The following CPB2 variants were observed in gnomAD, a reference collection of about 807,000 sequenced individuals.
CPB2 encodes the protein carboxypeptidase B2.
A neutral mutation model predicts 57.0 loss-of-function variants in CPB2; 54 were observed. That is an observed-to-expected ratio of 0.95 (90% confidence interval 0.76 to 1.19). CPB2 has a LOEUF of 1.19. Among genes scored for constraint, CPB2 ranks in the 50% most tolerant of loss-of-function variants. The pLI is 0.00. For synonymous variants in CPB2, 189 were observed against 178.1 expected (o/e 1.06, Z -0.49); for missense variants, 426 against 512.0 (o/e 0.83, Z 1.62).
At chr13:46,063,159 C>G (rs1041937384) in intron 8 of CPB2, among the ~76,000 whole-genome samples, 2 of 152,178 alleles carry the variant, frequency 1.3e-5, no homozygotes, top group Non-Finnish European at 2.9e-5. Context: ...ACCTACCCCC[C>G]TAAAAGCAAA....
chr13:46,062,424 A>G (rs933101442), intron 8 of CPB2, among the ~76,000 whole-genome samples: 3 of 152,178 alleles, frequency 2.0e-5, no homozygotes, highest in African/African-American at 7.2e-5. Flanking sequence ...AACTATGTCA[A>G]TGGCTCAGCG....
intron 4 of CPB2, among the ~76,000 whole-genome samples, chr13:46,081,519 C>T (rs2045118213): frequency 6.6e-6 from 1 of 152,090 alleles, no homozygotes; most frequent in African/African-American, 2.4e-5. Context: ...CTCAATCAAC[C>T]AGGCACACAT....
intron 4 of CPB2, among the ~76,000 whole-genome samples, chr13:46,081,621 T>C (rs2045119742): frequency 6.6e-6 from 1 of 152,176 alleles, no homozygotes; most frequent in South Asian, 2.1e-4. Flanking sequence ...ATTACCTAAG[T>C]CTTAGATGTC....
At chr13:46,060,576 A>G (rs1391493392) in intron 8 of CPB2, among the ~76,000 whole-genome samples, 1 of 152,184 alleles carries the variant, frequency 6.6e-6, no homozygotes, top group East Asian at 1.9e-4. Context: ...TATTCTTGAA[A>G]TATTTTATGT....
chr13:46,063,841 CT>C (rs1382562736), intron 8 of CPB2, among the ~76,000 whole-genome samples: 1 of 151,808 alleles, frequency 6.6e-6, no homozygotes, highest in Non-Finnish European at 1.5e-5. Context: ...CACTGTGCTG[CT>C]TTTTATACTA....
chr13:46,055,733 T>C (rs2044688107), intron 10 of CPB2, 29 bp downstream of exon 10: 2 of 1,370,598 alleles, frequency 1.5e-6, no homozygotes, highest in Non-Finnish European at 2.0e-6. Context: ...AGCTCAAAGT[T>C]CTCTAAGATC....
intron 9 of CPB2, among the ~76,000 whole-genome samples, chr13:46,057,757 C>G (rs886527409): frequency 6.6e-6 from 1 of 152,176 alleles, no homozygotes; most frequent in African/African-American, 2.4e-5. Context: ...AGGAACAATT[C>G]CTGCTGCTAA....
chr13:46,104,076 C>G (rs141708018), intron 1 of CPB2, among the ~76,000 whole-genome samples: 68 of 152,278 alleles, frequency 4.5e-4, no homozygotes, highest in African/African-American at 1.6e-3. Flanking sequence ...AAACCATTGT[C>G]CTATGGTTAT....
chr13:46,072,048 A>G (rs921251898), intron 6 of CPB2, among the ~76,000 whole-genome samples: 8 of 152,178 alleles, frequency 5.3e-5, no homozygotes, highest in African/African-American at 1.9e-4. Context: ...TGGCTTGGTG[A>G]TGCAGTCATG....
intron 1 of CPB2, among the ~76,000 whole-genome samples, chr13:46,091,038 T>A (rs999305029): frequency 2.0e-5 from 3 of 152,216 alleles, no homozygotes; most frequent in Admixed American, 2.0e-4. Context: ...ATTTTTAAAT[T>A]ATGTTTTCTT....
At chr13:46,064,146 A>C (rs2044817375) in intron 8 of CPB2, among the ~76,000 whole-genome samples, 1 of 152,068 alleles carries the variant, frequency 6.6e-6, no homozygotes, top group Non-Finnish European at 1.5e-5. Flanking sequence ...CTGTAGTCCC[A>C]GCTACTTGGG....
At chr13:46,089,510 A>G (rs1399555999) in intron 1 of CPB2, among the ~76,000 whole-genome samples, 4 of 152,186 alleles carry the variant, frequency 2.6e-5, no homozygotes, top group Non-Finnish European at 4.4e-5. Context: ...AAGATCTCCA[A>G]GTTGAAGGAG....
rs2045231854 is a variant in CPB2 at position 46,087,732 on chromosome 13, A to C, written c.150+13T>G. ...AGTGAAACCAATATAAACATAAATT[A>C]GGGAGAAATTACCTCATATGTTGTA... On this transcript the variant is annotated intron_variant, in intron 2 of 10. Coordinates refer to ENST00000181383, the MANE Select transcript of CPB2 (RefSeq NM_001872.5). 1.9e-5 allele frequency: 29 copies of C among 1,564,198 alleles called. No individual in the cohort carries two copies. Among genetic ancestry groups the C allele is most frequent in the Non-Finnish European group, 2.5e-5 (28 of 1,138,828 alleles).
At chr13:46,072,560 A>G (rs1392414910) in intron 6 of CPB2, among the ~76,000 whole-genome samples, 7 of 152,196 alleles carry the variant, frequency 4.6e-5, no homozygotes, top group Non-Finnish European at 1.0e-4. Context: ...CCAGGATCTG[A>G]AACATCATAG....
At chr13:46,095,580 G>A (rs1451298911) in intron 1 of CPB2, among the ~76,000 whole-genome samples, 1 of 152,286 alleles carries the variant, frequency 6.6e-6, no homozygotes, top group Non-Finnish European at 1.5e-5. Context: ...CAGCTATTGC[G>A]CTGGATATGT....
At chr13:46,093,890 G>A (rs1178564997) in intron 1 of CPB2, among the ~76,000 whole-genome samples, 1 of 152,152 alleles carries the variant, frequency 6.6e-6, no homozygotes, top group African/African-American at 2.4e-5. Context: ...AGAAATGTAT[G>A]AAAGGATGAT....
At chr13:46,058,832 A>G (rs2044732694) in intron 8 of CPB2, among the ~76,000 whole-genome samples, 1 of 152,242 alleles carries the variant, frequency 6.6e-6, no homozygotes. Flanking sequence ...TGCTACTTTT[A>G]ACTTGCTAAA....
intron 1 of CPB2, among the ~76,000 whole-genome samples, chr13:46,096,951 A>C (rs922189795): frequency 3.3e-5 from 5 of 152,148 alleles, no homozygotes; most frequent in African/African-American, 1.2e-4. Context: ...ATTCATGGAG[A>C]GTGGCAAGTG....
chr13:46,081,594 A>G (rs937412069), intron 4 of CPB2, among the ~76,000 whole-genome samples: 2 of 152,208 alleles, frequency 1.3e-5, no homozygotes, highest in Non-Finnish European at 2.9e-5. Context: ...AAGATTATAT[A>G]CATAAAATTG....
Sources: allele counts gnomAD v4.1 joint callset (sites outside exome capture counted in the v4.1 genomes callset), GRCh38; gene constraint gnomAD v4.1.1; transcripts MANE v1.5; gene names NCBI Gene and HGNC (gene_info 2026-07-23, HGNC 2026-07-21).